The following TLE1 variants were observed in gnomAD, a reference collection of about 807,000 sequenced individuals.
TLE1 encodes the protein TLE family member 1, transcriptional corepressor.
TLE1 carries 21 observed loss-of-function variants against 89.8 expected under a neutral mutation model. The ratio of observed to expected loss-of-function variants is 0.23; its 90% confidence interval spans 0.17 to 0.34. TLE1 has a LOEUF of 0.34. TLE1 is among the 10% of genes least tolerant of loss of function. The pLI is 1.00. For synonymous variants in TLE1, 447 were observed against 407.6 expected (o/e 1.10, Z -1.16); for missense variants, 795 against 1,031.2 (o/e 0.77, Z 3.14).
chr9:81,660,934 AACACACACACACACAC>A lies in TLE1; in HGVS notation c.235-6914_235-6899del, dbSNP rs548190067. Among the ~76,000 whole-genome samples the A allele has an allele frequency of 1.7e-4, 15 of 88,850 alleles. No homozygotes were observed. In the East Asian group the frequency reaches 2.8e-3, roughly 17 times the overall value. The allele number at this position is 88,850 out of a possible 152,430, so 58.3% of individuals were successfully genotyped here. A position where few individuals can be genotyped will look rare whatever the true frequency, so the allele number is the denominator to read the frequency against. The stretch of plus-strand genomic sequence containing the variant: ...ACACGGTGAAACCCCATCCCTACTA[AACACACACACACACAC>A]ACACACACACACACACACACACACA... On this transcript the variant is annotated intron_variant, in intron 4 of 19. Transcript: ENST00000376499.
intron 12 of TLE1, chr9:81,612,445 AT>A: frequency 1.2e-6 from 1 of 861,816 alleles, no homozygotes; most frequent in Non-Finnish European, 1.4e-6. Flanking sequence ...TCTGTTGCCT[AT>A]TTTCCTTTGG....
chr9:81,637,126 G>A (rs1827478169), intron 6 of TLE1, among the ~76,000 whole-genome samples: 1 of 152,132 alleles, frequency 6.6e-6, no homozygotes, highest in South Asian at 2.1e-4. Context: ...GGGAGGCTGA[G>A]GCGGGTGTAA....
intron 11 of TLE1, among the ~76,000 whole-genome samples, chr9:81,615,544 CAAA>C (rs530072232): frequency 2.0e-5 from 2 of 101,194 alleles, no homozygotes; most frequent in Non-Finnish European, 2.1e-5. Context: ...ACTAAAAATA[CAAA>C]AAAAAAAAAA....
chr9:81,651,669 A>G (rs949248955), intron 6 of TLE1, among the ~76,000 whole-genome samples: 1 of 151,934 alleles, frequency 6.6e-6, no homozygotes, highest in Non-Finnish European at 1.5e-5. Context: ...AAATGAAATG[A>G]TAATTCAGAG....
At chr9:81,587,572 T>C (rs1034750584) in intron 17 of TLE1, 109 bp downstream of exon 17, 19 of 1,381,810 alleles carry the variant, frequency 1.4e-5, no homozygotes, top group Non-Finnish European at 1.7e-5. Context: ...AGCCCTGATC[T>C]GTTTGTCCAG....
intron 4 of TLE1, among the ~76,000 whole-genome samples, chr9:81,684,011 C>T (rs938352051): frequency 6.6e-6 from 1 of 152,086 alleles, no homozygotes; most frequent in Non-Finnish European, 1.5e-5. Flanking sequence ...TAGCATCACA[C>T]TGAGGTGGTG....
chr9:81,607,520 C>A (rs1279715842), intron 14 of TLE1, among the ~76,000 whole-genome samples: 1 of 152,216 alleles, frequency 6.6e-6, no homozygotes, highest in African/African-American at 2.4e-5. Context: ...ACTCTTGAAG[C>A]TAGCTTTTTC....
intron 6 of TLE1, among the ~76,000 whole-genome samples, chr9:81,641,814 G>A (rs1376270317): frequency 1.3e-5 from 2 of 152,132 alleles, no homozygotes; most frequent in African/African-American, 4.8e-5. Context: ...CCTGAGTTTG[G>A]GAGTTTGAGA....
intron 14 of TLE1, among the ~76,000 whole-genome samples, chr9:81,596,890 A>C (rs1830294559): frequency 6.6e-6 from 1 of 152,198 alleles, no homozygotes; most frequent in South Asian, 2.1e-4. Context: ...GACATGTATG[A>C]TTCATGCACT....
At chr9:81,606,077 T>C (rs1328145720) in intron 14 of TLE1, among the ~76,000 whole-genome samples, 1 of 152,106 alleles carries the variant, frequency 6.6e-6, no homozygotes, top group Non-Finnish European at 1.5e-5. Flanking sequence ...TGAGATACCA[T>C]CTCATGCCAG....
chr9:81,659,902 T>C (rs1830561409), intron 4 of TLE1, among the ~76,000 whole-genome samples: 1 of 152,128 alleles, frequency 6.6e-6, no homozygotes, highest in Non-Finnish European at 1.5e-5. Flanking sequence ...ATGAGAGATC[T>C]TCCCAATCCC....
At chr9:81,590,380 CTT>C (rs1191802455) in intron 16 of TLE1, among the ~76,000 whole-genome samples, 1 of 152,176 alleles carries the variant, frequency 6.6e-6, no homozygotes, top group East Asian at 1.9e-4. Context: ...AGAATCTCCT[CTT>C]CTCATGTCCC....
chr9:81,614,174 C>T (rs1354512371), intron 11 of TLE1, among the ~76,000 whole-genome samples: 2 of 152,096 alleles, frequency 1.3e-5, no homozygotes, highest in African/African-American at 2.4e-5. Context: ...TCCCAAAGTG[C>T]TGGGATTACA....
intron 14 of TLE1, among the ~76,000 whole-genome samples, chr9:81,604,124 G>C (rs528450790): frequency 1.3e-5 from 2 of 152,332 alleles, no homozygotes; most frequent in Non-Finnish European, 2.9e-5. Context: ...AGACTTGCAT[G>C]CATTTCTCCT....
chr9:81,600,327 A>G (rs1830745576), intron 14 of TLE1, among the ~76,000 whole-genome samples: 1 of 152,156 alleles, frequency 6.6e-6, no homozygotes, highest in African/African-American at 2.4e-5. Flanking sequence ...GTGAAGAGGG[A>G]GAGAGAGAAG....
At chr9:81,652,094 TCAA>T (rs1829616844) in intron 6 of TLE1, 117 bp downstream of exon 6, 2 of 877,180 alleles carry the variant, frequency 2.3e-6, no homozygotes, top group South Asian at 2.1e-5. Context: ...ATCAAATAGG[TCAA>T]CGTTAAGATA....
rs890197861 is a variant in TLE1 at position 81,593,351 on chromosome 9, C to T, written c.1332-77G>A. On this transcript the variant is annotated intron_variant, in intron 14 of 19. Transcript: ENST00000376499. The stretch of plus-strand genomic sequence containing the variant: ...CAATCCCTATCTCGGCAATGTGCTA[C>T]GACTATGAAAAAGATGAAAAAAAGG... 7.1e-5 allele frequency: 104 copies of T among 1,455,452 alleles called. No individual in the cohort carries two copies. The African/African-American group carries it at 1.1e-3, about 16-fold the overall frequency. 90.2% of individuals were successfully genotyped at this position (1,455,452 alleles called of 1,614,324 possible).
At chr9:81,630,508 T>C (rs2132308189) in intron 8 of TLE1, among the ~76,000 whole-genome samples, 1 of 152,310 alleles carries the variant, frequency 6.6e-6, no homozygotes, top group Non-Finnish European at 1.5e-5. Flanking sequence ...ACCCAGTAAG[T>C]ATCAAAAATC....
At chr9:81,621,381 A>G (rs1337489851) in intron 8 of TLE1, among the ~76,000 whole-genome samples, 1 of 152,196 alleles carries the variant, frequency 6.6e-6, no homozygotes, top group Non-Finnish European at 1.5e-5. Flanking sequence ...TGTTACAATG[A>G]GTTCTTTTAA....
Sources: allele counts gnomAD v4.1 joint callset (sites outside exome capture counted in the v4.1 genomes callset), GRCh38; gene constraint gnomAD v4.1.1; transcripts MANE v1.5; gene names NCBI Gene and HGNC (gene_info 2026-07-23, HGNC 2026-07-21).